The following ATP10B variants were observed in gnomAD, a reference collection of about 807,000 sequenced individuals.
ATP10B encodes phospholipid-transporting ATPase VB.
ATP10B carries 122 observed loss-of-function variants against 141.2 expected under a neutral mutation model. That is an observed-to-expected ratio of 0.86 (90% CI 0.75 to 1.00). The LOEUF (loss-of-function observed/expected upper bound fraction) is 1.00. ATP10B is among the 50% of genes least tolerant of loss of function. The probability of loss-of-function intolerance (pLI) is 0.00; values close to 1 mark genes in which losing one functional copy is unlikely to be tolerated. For missense variants in ATP10B, 1,876 were observed against 1,825.3 expected (o/e 1.03, Z -0.51); for synonymous variants, 685 against 692.0 (o/e 0.99, Z 0.16).
chr5:160,717,113 A>G (rs759297072), intron 2 of ATP10B, 79 bp from the exon 3 acceptor site: 16 of 888,380 alleles, frequency 1.8e-5, no homozygotes, highest in Non-Finnish European at 2.2e-5. Context: ...GTTTAAAACA[A>G]TGCTACATAT....
rs773879988 is a variant in ATP10B at position 160,822,989 on chromosome 5, C to CATATATATATAT, written c.-576+28951_-576+28952insATATATATATAT. ...TGACTATAGTAAAAAATTACATATA[C>CATATATATATAT]ATATATATATACATATATATATATA... On this transcript the variant is annotated intron_variant, in intron 1 of 25. Coordinates refer to ENST00000327245, the MANE Select transcript of ATP10B (RefSeq NM_025153.3). Among the ~76,000 whole-genome samples, 39 of 69,698 alleles carry CATATATATATAT rather than the reference C, an allele frequency of 5.6e-4. 2 individuals carry two copies. The highest frequency in any genetic ancestry group is 9.0e-4 in the South Asian group (2 of 2,230). The allele number at this position is 69,698 out of a possible 152,430, so 45.7% of individuals were successfully genotyped here.
chr5:160,649,058 A>T, intron 8 of ATP10B, 113 bp downstream of exon 8: 1 of 682,598 alleles, frequency 1.5e-6, no homozygotes, highest in Non-Finnish European at 2.4e-6. Context: ...TCACACACAC[A>T]CAAATAAAAT....
At chr5:160,653,625 T>TATATAC (rs1761145271) in intron 7 of ATP10B, among the ~76,000 whole-genome samples, 4 of 76,394 alleles carry the variant, frequency 5.2e-5, no homozygotes, top group Non-Finnish European at 9.5e-5. Flanking sequence ...ATATATATTA[T>TATATAC]ATATACATAT....
chr5:160,565,195 T>G lies in ATP10B; in HGVS notation c.*258A>C. 1 of 506,980 alleles carries G rather than the reference T, an allele frequency of 2.0e-6. No individual in the cohort carries two copies. Among genetic ancestry groups the G allele is most frequent in the South Asian group, 2.6e-5 (1 of 38,472 alleles). 31.4% of individuals were successfully genotyped at this position (506,980 alleles called of 1,614,324 possible). On this transcript the variant is annotated 3_prime_UTR_variant, in exon 26 of 26. Coordinates refer to ENST00000327245, the MANE Select transcript of ATP10B (RefSeq NM_025153.3). ...GGTCTAAACCGATTTGAGAACTCGA[T>G]TCAACAAAAACAGCCTCCTTCTCCA...
At chr5:160,778,178 CATAA>C (rs1486609440) in intron 2 of ATP10B, among the ~76,000 whole-genome samples, 14 of 152,158 alleles carry the variant, frequency 9.2e-5, no homozygotes, top group South Asian at 2.1e-4. Context: ...AAAGTAAACA[CATAA>C]ATAATTTTAA....
At chr5:160,877,661 T>C in the ATP10B span, among the ~76,000 whole-genome samples, 2 of 149,404 alleles carry the variant, frequency 1.3e-5, no homozygotes, top group African/African-American at 4.9e-5. Flanking sequence ...AAAATCTCCT[T>C]AAGCTGATAA....
At chr5:160,735,898 G>A (rs1024245719) in intron 2 of ATP10B, among the ~76,000 whole-genome samples, 1 of 152,064 alleles carries the variant, frequency 6.6e-6, no homozygotes, top group Non-Finnish European at 1.5e-5. Context: ...TGACCAGTGG[G>A]TAAATAAAGA....
intron 13 of ATP10B, among the ~76,000 whole-genome samples, chr5:160,631,114 T>C (rs566023108): frequency 6.6e-6 from 1 of 152,300 alleles, no homozygotes; most frequent in East Asian, 1.9e-4. Context: ...AAAGGACCAT[T>C]TTTATAATCT....
At chr5:160,621,015 A>G in intron 14 of ATP10B, 65 bp from the exon 15 acceptor site, 1 of 1,525,126 alleles carries the variant, frequency 6.6e-7, no homozygotes, top group Non-Finnish European at 8.8e-7. Flanking sequence ...AAGTTGTCTT[A>G]TGCGGAATAT....
At chr5:160,856,742 T>C (rs1561927732), upstream of ATP10B, among the ~76,000 whole-genome samples, 1 of 151,838 alleles carries the variant, frequency 6.6e-6, no homozygotes, top group Non-Finnish European at 1.5e-5. Context: ...TTTACTGAGA[T>C]ATTTTTTATC....
At chr5:160,605,860 T>C (rs952115715) in intron 19 of ATP10B, among the ~76,000 whole-genome samples, 3 of 152,196 alleles carry the variant, frequency 2.0e-5, no homozygotes, top group African/African-American at 7.2e-5. Flanking sequence ...GAGGAACTCA[T>C]GGTCTACTGA....
Position 160,595,603 on chromosome 5 carries a change from G to A in ATP10B, c.3564+3167C>T, listed in dbSNP as rs187529768. ...CTTCAAAAAATCAATGAATCCAGGA[G>A]CTGGTTTTTTGAAAAGATCAACAAA... On this transcript the variant is annotated intron_variant, in intron 22 of 25. Transcript: ENST00000327245. Among the ~76,000 whole-genome samples the A allele has an allele frequency of 6.6e-5, 10 of 152,306 alleles. No individual in the cohort carries two copies. In the East Asian group the frequency reaches 1.9e-3, roughly 29 times the overall value.
intron 1 of ATP10B, among the ~76,000 whole-genome samples, chr5:160,807,320 T>G (rs1238539477): frequency 2.0e-5 from 3 of 152,208 alleles, no homozygotes; most frequent in African/African-American, 7.2e-5. Context: ...TAAACCATTT[T>G]TTTTGGCTTT....
At chr5:160,885,799 G>C in the ATP10B span, among the ~76,000 whole-genome samples, 1 of 152,166 alleles carries the variant, frequency 6.6e-6, no homozygotes, top group Non-Finnish European at 1.5e-5. Flanking sequence ...GCAGAGCAAA[G>C]AGAAATGCCA....
Position 160,704,914 on chromosome 5 carries a change from C to CTTTTTTTTTTTTTTTTTTTTTTT in ATP10B, c.-205+11994_-205+11995insAAAAAAAAAAAAAAAAAAAAAAA, listed in dbSNP as rs1170629163. Among the ~76,000 whole-genome samples the CTTTTTTTTTTTTTTTTTTTTTTT allele has an allele frequency of 2.4e-3, 200 of 83,634 alleles. 9 individuals are homozygous for CTTTTTTTTTTTTTTTTTTTTTTT. The highest frequency in any genetic ancestry group is 5.6e-3 in the African/African-American group (97 of 17,232). The allele number at this position is 83,634 out of a possible 152,430, so 54.9% of individuals were successfully genotyped here. A position where few individuals can be genotyped will look rare whatever the true frequency, so the allele number is the denominator to read the frequency against. The stretch of plus-strand genomic sequence containing the variant: ...TGCTAGCTTCCAACATTTCTTTCAT[C>CTTTTTTTTTTTTTTTTTTTTTTT]TTTTTTTTTTTTTTTTTTTTTGTTG... On this transcript the variant is annotated intron_variant, in intron 3 of 25. Transcript: ENST00000327245.
intron 1 of ATP10B, among the ~76,000 whole-genome samples, chr5:160,819,222 C>T (rs1213744560): frequency 6.6e-6 from 1 of 152,086 alleles, no homozygotes; most frequent in Admixed American, 6.6e-5. Context: ...CCCAATATGT[C>T]TGGCAGGAGA....
chr5:160,588,108 A>C (rs1203608201), intron 24 of ATP10B, among the ~76,000 whole-genome samples: 2 of 152,150 alleles, frequency 1.3e-5, no homozygotes, highest in Non-Finnish European at 2.9e-5. Context: ...TCAGCCTCCC[A>C]AAGCACTAGG....
In ATP10B at chr5:160,817,263, C is replaced by CA. The variant is rs540007679; in HGVS notation, c.-575-31461dup. Among the ~76,000 whole-genome samples the CA allele has an allele frequency of 5.6e-3, 860 of 152,310 alleles. 10 individuals are homozygous for CA. The highest frequency in any genetic ancestry group is 0.02 in the African/African-American group (818 of 41,560). ...GTATATCTAGAAAACTCCATTGTCTCAGCCCAAAATCTCCTTAAGCTGATA... is the reference window on the plus strand; with the variant it reads ...GTATATCTAGAAAACTCCATTGTCTCAAGCCCAAAATCTCCTTAAGCTGATA... On this transcript the variant is annotated intron_variant, in intron 1 of 25. Transcript: ENST00000327245.
At chr5:160,866,867 C>A in the ATP10B span, among the ~76,000 whole-genome samples, 3 of 150,242 alleles carry the variant, frequency 2.0e-5, no homozygotes, top group African/African-American at 7.5e-5. Flanking sequence ...CCCACCTGTA[C>A]CCCCCAAACT....
Sources: gnomAD v4.1 joint callset for allele counts (sites outside exome capture counted in the v4.1 genomes callset) on GRCh38, gnomAD v4.1.1 for gene constraint, MANE v1.5 for transcripts, NCBI Gene and HGNC (gene_info 2026-07-23, HGNC 2026-07-21) for gene names.